Variants in NXPH1 observed in about 807,000 individuals in gnomAD.
NXPH1 encodes neurexophilin 1, also known as neurexophilin-1.
Under a neutral mutation model 23.7 loss-of-function variants are expected in NXPH1, and 5 were observed. The observed-to-expected ratio is 0.21, with a 90% CI of 0.11 to 0.44. The LOEUF is 0.44. NXPH1 is among the 20% of genes least tolerant of loss of function. The pLI is 0.99. For synonymous variants in NXPH1, 144 were observed against 122.2 expected, an observed-to-expected ratio of 1.18 and a Z score of -1.18; for missense variants, 324 against 321.6, an observed-to-expected ratio of 1.01 and a Z score of -0.06.
At chr7:8,578,625 G>C (rs1180169209) in intron 2 of NXPH1, among the ~76,000 whole-genome samples, 1 of 152,166 alleles carries the variant, frequency 6.6e-6, no homozygotes, top group African/African-American at 2.4e-5. Context: ...AACTACTGCA[G>C]GCTGGTCATG....
intron 2 of NXPH1, among the ~76,000 whole-genome samples, chr7:8,667,176 A>T (rs557879124): frequency 8.7e-4 from 133 of 152,100 alleles, no homozygotes; most frequent in African/African-American, 3.1e-3. Flanking sequence ...GTTTTTTTAA[A>T]TACTTTTGCA....
intron 2 of NXPH1, among the ~76,000 whole-genome samples, chr7:8,443,509 G>A (rs914616594): frequency 2.6e-5 from 4 of 152,280 alleles, no homozygotes; most frequent in Admixed American, 2.6e-4. Flanking sequence ...CCCCCGGCGA[G>A]GAACACGGCT....
At chr7:8,615,569 C>T (rs1819716568) in intron 2 of NXPH1, among the ~76,000 whole-genome samples, 1 of 151,946 alleles carries the variant, frequency 6.6e-6, no homozygotes, top group African/African-American at 2.4e-5. Context: ...CATATTATTG[C>T]CTCATTTTGG....
chr7:8,702,950 G>T (rs1779649014), intron 2 of NXPH1, among the ~76,000 whole-genome samples: 2 of 152,206 alleles, frequency 1.3e-5, no homozygotes, highest in South Asian at 2.1e-4. Context: ...GTGGTACAGG[G>T]ATAGGATTTG....
chr7:8,668,452 C>A (rs112930350), intron 2 of NXPH1, among the ~76,000 whole-genome samples: 1 of 152,110 alleles, frequency 6.6e-6, no homozygotes, highest in Non-Finnish European at 1.5e-5. Flanking sequence ...CTCATGCAAG[C>A]TTATTTGATT....
intron 2 of NXPH1, among the ~76,000 whole-genome samples, chr7:8,618,682 G>T (rs73676099): frequency 6.6e-6 from 1 of 152,244 alleles, no homozygotes; most frequent in African/African-American, 2.4e-5. Flanking sequence ...CTAATGCATT[G>T]TTTCCTTAGA....
intron 2 of NXPH1, among the ~76,000 whole-genome samples, chr7:8,630,034 C>A (rs115423113): frequency 1.3e-5 from 2 of 152,148 alleles, no homozygotes; most frequent in South Asian, 2.1e-4. Context: ...TTTACTCCCC[C>A]ACATTTCACC....
intron 2 of NXPH1, among the ~76,000 whole-genome samples, chr7:8,648,199 C>A (rs4401738): frequency 0.7 from 106,883 of 151,732 alleles, 38,418 homozygotes; most frequent in East Asian, 1. Context: ...TTAAAAATGT[C>A]CAATTAAGTT....
At chr7:8,524,354 G>A (rs1165351556) in intron 2 of NXPH1, among the ~76,000 whole-genome samples, 1 of 151,814 alleles carries the variant, frequency 6.6e-6, no homozygotes, top group East Asian at 1.9e-4. Context: ...TTAAGGCTTG[G>A]CTCTTTTCCC....
chr7:8,697,371 G>T (rs1199775761), intron 2 of NXPH1, among the ~76,000 whole-genome samples: 2 of 152,126 alleles, frequency 1.3e-5, no homozygotes, highest in African/African-American at 4.8e-5. Flanking sequence ...GGTAAGAATA[G>T]AAGTAGTGTG....
chr7:8,623,362 A>G (rs1290346293), intron 2 of NXPH1, among the ~76,000 whole-genome samples: 1 of 152,214 alleles, frequency 6.6e-6, no homozygotes, highest in Non-Finnish European at 1.5e-5. Flanking sequence ...CCCACAAGTT[A>G]AAGGGGGAAG....
intron 2 of NXPH1, among the ~76,000 whole-genome samples, chr7:8,622,765 G>T (rs149743053): frequency 6.6e-6 from 1 of 152,298 alleles, no homozygotes; most frequent in Non-Finnish European, 1.5e-5. Flanking sequence ...TAATGGAATA[G>T]AAAATATGGT....
chr7:8,479,803 A>G (rs1045118612), intron 2 of NXPH1, among the ~76,000 whole-genome samples: 1 of 152,164 alleles, frequency 6.6e-6, no homozygotes, highest in Non-Finnish European at 1.5e-5. Flanking sequence ...TAAGCTTCAA[A>G]AGAGATAATA....
chr7:8,501,111 A>G (rs1817423540), intron 2 of NXPH1, among the ~76,000 whole-genome samples: 1 of 152,040 alleles, frequency 6.6e-6, no homozygotes, highest in African/African-American at 2.4e-5. Context: ...TTGCTTTTAG[A>G]ACTTTGAAAA....
intron 2 of NXPH1, among the ~76,000 whole-genome samples, chr7:8,697,157 C>CGAA (rs1779541590): frequency 9.5e-6 from 1 of 104,890 alleles, no homozygotes; most frequent in Non-Finnish European, 1.9e-5. Context: ...GATTCTGTTT[C>CGAA]AAAAAAAAAA....
At chr7:8,721,438 C>A (rs1779968025) in intron 2 of NXPH1, among the ~76,000 whole-genome samples, 1 of 152,144 alleles carries the variant, frequency 6.6e-6, no homozygotes. Flanking sequence ...GATGGATAGT[C>A]TTTGCAGTCT....
chr7:8,491,046 A>G lies in NXPH1; in HGVS notation c.54+55279A>G, dbSNP rs145209061. ...ACACCTGCTTTGGTTATTATTTACT[A>G]TTAGAAAAACATTTTTTTTTGCCTA... On this transcript the variant is annotated intron_variant, in intron 2 of 2. Coordinates refer to ENST00000405863, the MANE Select transcript of NXPH1 (RefSeq NM_152745.3). Among the ~76,000 whole-genome samples the G allele has an allele frequency of 9.9e-5, 15 of 152,132 alleles. No homozygotes were observed. In the East Asian group the frequency reaches 2.9e-3, roughly 30 times the overall value.
rs1041142010 is a variant in NXPH1, at chr7:8,732,207, T to C, written c.55-18801T>C. On this transcript the variant is annotated intron_variant, in intron 2 of 2. Transcript: ENST00000405863. ...GCCTCGCCATGCTTCGGCTCGTGCA[T>C]GGTGCGCGCACCCACTGACTTGCGC... 4.6e-5 allele frequency among the ~76,000 whole-genome samples: 7 copies of C among 152,248 alleles called. No homozygotes were observed. The South Asian group carries it at 6.2e-4, about 13-fold the overall frequency.
At chr7:8,575,761 T>C (rs1818742870) in intron 2 of NXPH1, among the ~76,000 whole-genome samples, 1 of 152,104 alleles carries the variant, frequency 6.6e-6, no homozygotes, top group Non-Finnish European at 1.5e-5. Context: ...AATGATCTTT[T>C]TTTTTTTTAA....
Sources: gnomAD v4.1 joint callset for allele counts (sites outside exome capture counted in the v4.1 genomes callset) on GRCh38, gnomAD v4.1.1 for gene constraint, MANE v1.5 for transcripts, NCBI Gene and HGNC (gene_info 2026-07-23, HGNC 2026-07-21) for gene names.